Variants in MAN2C1 observed in about 807,000 individuals in gnomAD.
MAN2C1 encodes mannosidase alpha class 2C member 1, also known as alpha-mannosidase 2C1.
Under a neutral mutation model 126.9 loss-of-function variants are expected in MAN2C1, and 111 were observed. That is an observed-to-expected ratio of 0.87 (90% CI 0.75 to 1.02). The LOEUF (loss-of-function observed/expected upper bound fraction) is 1.02, where lower values mean the gene tolerates loss of function less well. Among genes scored for constraint, MAN2C1 ranks in the 50% least tolerant of loss-of-function variants. The pLI, the probability that MAN2C1 is intolerant of heterozygous loss-of-function variation, is 0.00. For synonymous variants in MAN2C1, 567 were observed against 561.5 expected (o/e 1.01, Z -0.14); for missense variants, 1,363 against 1,364.4 (o/e 1.00, Z 0.02).
chr15:75,362,482 C>A lies in MAN2C1; in HGVS notation c.898-29G>T. On this transcript the variant is annotated intron_variant, in intron 7 of 25. Transcript: ENST00000267978. This position sits in a 1 kb window ranked among gnomAD's most constrained non-coding sequence, Gnocchi z 4.5. ...TGGGCAGGTTGAAGGGAGCTGGGAC[C>A]AGAGTGACAAGGGCCCCACCCAGGA... 6.3e-7 allele frequency: 1 copy of A among 1,580,004 alleles called. No individual in the cohort carries two copies. The highest frequency in any genetic ancestry group is 8.6e-7 in the Non-Finnish European group (1 of 1,160,918).
chr15:75,356,194 G>C lies in MAN2C1; in HGVS notation c.2912C>G (p.Ser971Trp). The C allele has an allele frequency of 6.2e-7, 1 of 1,613,390 alleles. No homozygotes were observed. The highest frequency in any genetic ancestry group is 8.5e-7 in the Non-Finnish European group (1 of 1,179,926). The change falls in exon 25 of 26, where the codon TCG becomes TGG. Residue 971 changes from serine (S) to tryptophan (W), a missense_variant. By Grantham distance (177) the Ser-to-Trp change is radical. This residue lies in a region of MAN2C1 where 668 missense variants were observed against 650.1 expected (regional missense o/e 1.03). Coordinates refer to ENST00000267978, the MANE Select transcript of MAN2C1 (RefSeq NM_006715.4). This position sits in a 1 kb window ranked among gnomAD's most constrained non-coding sequence, Gnocchi z 5.8. ...KQAESSPQRR[S>W]LVLRLYEAHG... ...GGCCTCATACAGCCTCAGGACCAGC[G>C]AGCGGCGCTGGGGGCTGCTCTCCGC...
In MAN2C1 at chr15:75,361,833, G is replaced by C. The variant is rs2072476608; in HGVS notation, c.1101+22C>G. The C allele has an allele frequency of 1.9e-6, 3 of 1,610,750 alleles. No homozygotes were observed. The South Asian group carries it at 3.3e-5, about 18-fold the overall frequency. On this transcript the variant is annotated intron_variant, in intron 9 of 25. Transcript: ENST00000267978. This position sits in a 1 kb window ranked among gnomAD's most constrained non-coding sequence, Gnocchi z 5.0. ...CGCCAGCCCCACTCGCCCACAGCCT[G>C]GTGTAGCAGCTCTCAGCCTACCTCA...
At chr15:75,367,975 T>C in intron 2 of MAN2C1, 98 bp downstream of exon 2, 1 of 1,429,530 alleles carries the variant, frequency 7.0e-7, no homozygotes, top group Non-Finnish European at 9.3e-7. Flanking sequence ...CCCACGTAGT[T>C]GTCTACGGCA....
rs1420358065 is a variant in MAN2C1, at chr15:75,368,548, G to A, written c.36C>T (p.Thr12=). 3 of 1,553,074 alleles carry A rather than the reference G, an allele frequency of 1.9e-6. No individual in the cohort carries two copies. Among genetic ancestry groups the A allele is most frequent in the South Asian group, 1.2e-5 (1 of 84,324 alleles). Residue 12 remains threonine (T), a synonymous_variant, in exon 1 of 26, where the codon ACC becomes ACT. Coordinates refer to ENST00000267978, the MANE Select transcript of MAN2C1 (RefSeq NM_006715.4). ...CGAACTTCTCCACCCGCTCCAGCGT[G>A]GTGCGCCAGTGCTTCAAGGCCGGCG... ...AAAPALKHWR[T]TLERVEKFVS...
rs1185148444 is a variant in MAN2C1 at position 75,360,637 on chromosome 15, T to C, written c.1512A>G (p.Ser504=). The part of the protein sequence containing the change: ...RQLFSALESD[S]EQLCTWVGEL... ...CCCCAACCCACGTGCACAGCTGCTC[T>C]GAGTCACTCTCCAGTGCTGAGAAGA... Residue 504 remains serine (S), a synonymous_variant, in exon 13 of 26, where the codon TCA becomes TCG. Coordinates refer to ENST00000267978, the MANE Select transcript of MAN2C1 (RefSeq NM_006715.4). 1.2e-6 allele frequency: 2 copies of C among 1,613,828 alleles called. No homozygotes were observed. The highest frequency in any genetic ancestry group is 1.7e-5 in the Admixed American group (1 of 60,000).
At position 75,361,056 on chromosome 15, in the gene MAN2C1, C is replaced by A. The variant is rs1410669823; in HGVS notation, c.1450G>T (p.Gly484Trp). 2 of 1,610,132 alleles carry A rather than the reference C, an allele frequency of 1.2e-6. No homozygotes were observed. The highest frequency in any genetic ancestry group is 2.7e-5 in the African/African-American group (2 of 75,022). ...AAGGCCTGGCCTGACCTGGGCAGCC[C>A]ATCCGTATTGCTCAGGCGCTTCAGG... ...DRLKRLSNTD[G>W]LPRVQLSSPR... Residue 484 changes from glycine to tryptophan, a missense_variant, in exon 12 of 26, where the codon GGG becomes TGG. Transcript: ENST00000267978. This position sits in a 1 kb window ranked among gnomAD's most constrained non-coding sequence, Gnocchi z 5.0.
chr15:75,359,698 G>A lies in MAN2C1; in HGVS notation c.1870C>T (p.Leu624Phe). Residue 624 changes from leucine to phenylalanine, a missense_variant, in exon 16 of 26, where the codon CTC (leucine) becomes TTC (phenylalanine). Transcript: ENST00000267978. Reference protein sequence around the residue: ...LCAGEPGPEGLLIVNTLPWKR... With the variant: ...LCAGEPGPEGFLIVNTLPWKR... ...CAGGGCAGTGTGTTGACGATGAGGA[G>A]GCCCTCAGGACCTGGCTCCCCAGCA... is the stretch of plus-strand genomic sequence containing the variant. 1 of 1,614,140 alleles carries A rather than the reference G, an allele frequency of 6.2e-7. No homozygotes were observed. The highest frequency in any genetic ancestry group is 8.5e-7 in the Non-Finnish European group (1 of 1,180,004).
In MAN2C1 at chr15:75,368,177, A is replaced by G; in HGVS notation, c.123T>C (p.Pro41=). Residue 41 remains proline, a synonymous_variant, in exon 2 of 26, where the codon CCT becomes CCC. Coordinates refer to ENST00000267978, the MANE Select transcript of MAN2C1 (RefSeq NM_006715.4). ...LRGRLFGASC[P]VAVLSSFLTP... The stretch of plus-strand genomic sequence containing the variant: ...TCAGGAAGCTGGAGAGCACAGCCAC[A>G]GGGCAGCTGGCCCCAAAAAGCCTGC... 6.2e-7 allele frequency: 1 copy of G among 1,604,756 alleles called. No homozygotes were observed. Among genetic ancestry groups the G allele is most frequent in the Middle Eastern group, 2.1e-4 (1 of 4,792 alleles).
chr15:75,359,141 C>T lies in MAN2C1; in HGVS notation c.2059G>A (p.Val687Met), dbSNP rs149617633. ...CGGATGATGCCATTGTCCAGAGTCACGGAGCCATCAGTCTTTGTGGGAGGA... is the reference window on the plus strand; with the variant it reads ...CGGATGATGCCATTGTCCAGAGTCATGGAGCCATCAGTCTTTGTGGGAGGA... ...VFVVQETDGS[V>M]TLDNGIIRVK... The change falls in exon 18 of 26, where the codon GTG becomes ATG. Residue 687 changes from valine to methionine, a missense_variant. Transcript: ENST00000267978. 106 of 1,613,984 alleles carry T rather than the reference C, an allele frequency of 6.6e-5. No homozygotes were observed. The highest frequency in any genetic ancestry group is 3.3e-4 in the Middle Eastern group (2 of 6,062).
At chr15:75,358,150 CTCCCCAGCCAGGGAGGAGTCCAAGG>C (rs779546919) in intron 21 of MAN2C1, 26 bp downstream of exon 21, 22 of 1,606,810 alleles carry the variant, frequency 1.4e-5, no homozygotes, top group Non-Finnish European at 1.9e-5. Flanking sequence ...CACAAGCAGT[CTCCCCAGCCAGGGAGGAGTCCAAGG>C]CCACTCCCAC....
chr15:75,358,158 C>T, intron 21 of MAN2C1, 43 bp downstream of exon 21: 4 of 1,610,406 alleles, frequency 2.5e-6, no homozygotes, highest in Non-Finnish European at 3.4e-6. Flanking sequence ...GTCTCCCCAG[C>T]CAGGGAGGAG....
chr15:75,364,033 G>A lies in MAN2C1; in HGVS notation c.756C>T (p.Thr252=). ...FGQHGGESQH[T]IHATGHCHID... ...TGTGGCAGTGCCCTGTGGCATGAAT[G>A]GTGTGTTGGCTTTCACCCCCATGTT... The change falls in exon 6 of 26, where the codon ACC becomes ACT. Residue 252 remains threonine, a synonymous_variant. Coordinates refer to ENST00000267978, the MANE Select transcript of MAN2C1 (RefSeq NM_006715.4). 6.2e-7 allele frequency: 1 copy of A among 1,614,200 alleles called. No homozygotes were observed. Among genetic ancestry groups the A allele is most frequent in the Non-Finnish European group, 8.5e-7 (1 of 1,180,032 alleles).
chr15:75,364,722 T>A lies in MAN2C1; in HGVS notation c.423-57A>T, dbSNP rs1444607793. On this transcript the variant is annotated intron_variant, in intron 4 of 25. Coordinates refer to ENST00000267978, the MANE Select transcript of MAN2C1 (RefSeq NM_006715.4). ...GGGACTGGCACAGTACTCCGGGGAC[T>A]TGGGGAAGGGGCACCCAGGAGGCAT... The A allele has an allele frequency of 8.8e-6, 13 of 1,470,776 alleles. 1 individual carries two copies. The highest frequency in any genetic ancestry group is 1.4e-5 in the South Asian group (1 of 71,054). The allele number at this position is 1,470,776 out of a possible 1,614,324, so 91.1% of individuals were successfully genotyped here.
rs1053452085 is a variant in MAN2C1 at position 75,356,735 on chromosome 15, G to A, written c.2658-50C>T. The A allele has an allele frequency of 6.2e-7, 1 of 1,612,362 alleles. No individual in the cohort carries two copies. The highest frequency in any genetic ancestry group is 1.7e-5 in the Admixed American group (1 of 59,998). ...GCCACGCTGAAGCTGTTGGAGTTGT[G>A]GTCGGGAAGACCCATTTCTCCATGC... is the stretch of plus-strand genomic sequence containing the variant. On this transcript the variant is annotated intron_variant, in intron 22 of 25. Transcript: ENST00000267978. The surrounding 1 kb of genome is among the most constrained non-coding windows in gnomAD (Gnocchi z 5.8).
At chr15:75,358,641 C>A in intron 19 of MAN2C1, 23 bp from the exon 20 acceptor site, 1 of 1,602,294 alleles carries the variant, frequency 6.2e-7, no homozygotes. Flanking sequence ...GGTGGACATA[C>A]TGATCCAGAG....
Position 75,362,379 on chromosome 15 carries a change from C to T in MAN2C1, c.972G>A (p.Gly324=), listed in dbSNP as rs374246566. The T allele has an allele frequency of 2.2e-5, 35 of 1,613,852 alleles. No homozygotes were observed. The highest frequency in any genetic ancestry group is 2.9e-5 in the Non-Finnish European group (34 of 1,180,040). ...YSRIQEFACR[G]QFVPVGGTWV... is the part of the protein sequence containing the mutation. ...AGGTGCCCCCCACAGGCACAAACTG[C>T]CCACGGCACGCAAACTCCTGGATGC... Residue 324 remains glycine (G), a synonymous_variant, in exon 8 of 26, where the codon GGG becomes GGA. Transcript: ENST00000267978. The surrounding 1 kb of genome is among the most constrained non-coding windows in gnomAD (Gnocchi z 4.5).
At position 75,356,648 on chromosome 15, in the gene MAN2C1, T is replaced by C. The variant is rs367731446; in HGVS notation, c.2695A>G (p.Thr899Ala). The stretch of plus-strand genomic sequence containing the variant: ...GCATAGGTGAACTCGTGGCGCCCCG[T>C]GTCAGCAGTAGCGTCCGGGGCTTTA... The part of the protein sequence containing the change: ...APKAPDATAD[T>A]GRHEFTYALM... The change falls in exon 23 of 26, where the codon ACG (threonine) becomes GCG (alanine). Residue 899 changes from threonine (T) to alanine (A), a missense_variant. Around this residue, in one of 3 missense-constraint regions of MAN2C1, gnomAD observed 668 missense variants for 650.1 expected, o/e 1.03. Transcript: ENST00000267978. The surrounding 1 kb of genome is among the most constrained non-coding windows in gnomAD (Gnocchi z 5.8). 1.3e-6 allele frequency: 2 copies of C among 1,576,966 alleles called. No homozygotes were observed. The highest frequency in any genetic ancestry group is 8.6e-7 in the Non-Finnish European group (1 of 1,161,644).
chr15:75,368,418 C>T (rs1567291286), intron 1 of MAN2C1, 65 bp downstream of exon 1: 3 of 1,503,952 alleles, frequency 2.0e-6, no homozygotes, highest in Non-Finnish European at 2.7e-6. Context: ...TTAGGTTTCT[C>T]CCCGGAAGGA....
chr15:75,367,690 T>C (rs759894988), intron 2 of MAN2C1, 56 bp from the exon 3 acceptor site: 1 of 1,600,462 alleles, frequency 6.2e-7, no homozygotes, highest in Admixed American at 1.7e-5. Flanking sequence ...CTGATATCCT[T>C]CCTTGGATAA....
Sources: allele counts gnomAD v4.1 joint callset, GRCh38; gene constraint gnomAD v4.1.1; regional missense constraint gnomAD v4.1.1; non-coding constraint Gnocchi (gnomAD v3.1); transcripts MANE v1.5; gene names NCBI Gene and HGNC (gene_info 2026-07-23, HGNC 2026-07-21).